The following GRIK2 variants were observed in gnomAD, a reference collection of about 807,000 sequenced individuals.
GRIK2 encodes the protein glutamate ionotropic receptor kainate type subunit 2.
A neutral mutation model predicts 100.3 loss-of-function variants in GRIK2; 32 were observed. The observed-to-expected ratio is 0.32, with a 90% CI of 0.24 to 0.43. The LOEUF (loss-of-function observed/expected upper bound fraction) is 0.43, where lower values mean the gene tolerates loss of function less well. GRIK2 is among the 20% of genes least tolerant of loss of function. The pLI is 1.00. For synonymous variants in GRIK2, 417 were observed against 389.4 expected (o/e 1.07, Z -0.83); for missense variants, 843 against 1,114.9 (o/e 0.76, Z 3.47).
intron 15 of GRIK2, among the ~76,000 whole-genome samples, chr6:102,042,046 G>A (rs1040509982): frequency 6.6e-6 from 1 of 151,500 alleles, no homozygotes; most frequent in Non-Finnish European, 1.5e-5. Context: ...TCATTTTGTG[G>A]GAAGAGAGTG....
intron 14 of GRIK2, among the ~76,000 whole-genome samples, chr6:101,932,304 A>C (rs142355242): frequency 6.6e-6 from 1 of 152,186 alleles, no homozygotes; most frequent in Non-Finnish European, 1.5e-5. Context: ...TATGGTCATT[A>C]AACAAAATGT....
intron 2 of GRIK2, among the ~76,000 whole-genome samples, chr6:101,440,623 A>G (rs777695617): frequency 6.6e-6 from 1 of 152,202 alleles, no homozygotes; most frequent in Non-Finnish European, 1.5e-5. Context: ...ACCTGCACCC[A>G]TGCAGTTGTC....
intron 14 of GRIK2, among the ~76,000 whole-genome samples, chr6:102,012,927 G>A (rs1022125474): frequency 6.6e-6 from 1 of 152,064 alleles, no homozygotes. Context: ...GCTCTTTTTG[G>A]TTCCATGTGA....
intron 7 of GRIK2, among the ~76,000 whole-genome samples, chr6:101,757,633 T>C (rs528357442): frequency 6.6e-6 from 1 of 152,270 alleles, no homozygotes; most frequent in Admixed American, 6.5e-5. Flanking sequence ...GAGTCCAGCT[T>C]CAAACAATAA....
intron 15 of GRIK2, among the ~76,000 whole-genome samples, chr6:102,053,390 G>T (rs1270616559): frequency 6.6e-6 from 1 of 152,110 alleles, no homozygotes; most frequent in Non-Finnish European, 1.5e-5. Context: ...CAAGCAAAAT[G>T]ACCTTAGTTT....
chr6:101,789,283 T>A (rs1250552120), intron 7 of GRIK2, among the ~76,000 whole-genome samples: 1 of 152,216 alleles, frequency 6.6e-6, no homozygotes, highest in East Asian at 1.9e-4. Context: ...TCCTTGCCCA[T>A]GCCTATGTCC....
chr6:101,395,826 G>A (rs189446994), intron 1 of GRIK2, among the ~76,000 whole-genome samples: 4 of 152,132 alleles, frequency 2.6e-5, no homozygotes, highest in East Asian at 3.9e-4. Flanking sequence ...CTGGGTGTGC[G>A]TGTATGTGTG....
chr6:101,972,654 G>C (rs1219351810), intron 14 of GRIK2, among the ~76,000 whole-genome samples: 1 of 151,754 alleles, frequency 6.6e-6, no homozygotes, highest in African/African-American at 2.4e-5. Context: ...GTCAAGAAGA[G>C]TATTTCCTAG....
At chr6:101,795,687 C>G (rs1192329233) in intron 7 of GRIK2, among the ~76,000 whole-genome samples, 3 of 152,188 alleles carry the variant, frequency 2.0e-5, no homozygotes, top group Non-Finnish European at 4.4e-5. Flanking sequence ...GCTGGATGGA[C>G]CAGCCCTCAG....
chr6:101,757,658 C>T (rs996183261), intron 7 of GRIK2, among the ~76,000 whole-genome samples: 1 of 152,192 alleles, frequency 6.6e-6, no homozygotes, highest in African/African-American at 2.4e-5. Context: ...TGGCTTCCTA[C>T]ATGAGTAATT....
chr6:101,457,817 C>A (rs1771090630), intron 2 of GRIK2, among the ~76,000 whole-genome samples: 1 of 152,052 alleles, frequency 6.6e-6, no homozygotes, highest in Non-Finnish European at 1.5e-5. Context: ...CAGTCACTCC[C>A]TAGATGCCAC....
chr6:101,757,688 G>A (rs1777223360), intron 7 of GRIK2, among the ~76,000 whole-genome samples: 1 of 152,090 alleles, frequency 6.6e-6, no homozygotes, highest in Non-Finnish European at 1.5e-5. Flanking sequence ...GAGTTACTAA[G>A]GCCTCTCTTT....
rs561031830 is a variant in GRIK2, at chr6:101,952,012, G to T, written c.2085+23380G>T. ...TAGAGAAAAGACAGGTAACATTTCC[G>T]TCATCACAAACACATCATGTTTTCC... On this transcript the variant is annotated intron_variant, in intron 14 of 16. Transcript: ENST00000369134. 2.6e-5 allele frequency among the ~76,000 whole-genome samples: 4 copies of T among 152,230 alleles called. No homozygotes were observed. In the South Asian group the frequency reaches 8.3e-4, roughly 32 times the overall value.
At chr6:102,000,958 CT>C (rs1194972888) in intron 14 of GRIK2, among the ~76,000 whole-genome samples, 4 of 151,438 alleles carry the variant, frequency 2.6e-5, no homozygotes, top group African/African-American at 9.7e-5. Flanking sequence ...TTTTCTAATT[CT>C]TTTTTTTCTG....
intron 14 of GRIK2, among the ~76,000 whole-genome samples, chr6:101,975,849 CTCCA>C (rs1344385835): frequency 2.0e-4 from 10 of 49,768 alleles, no homozygotes; most frequent in African/African-American, 8.1e-4. Context: ...CTATCTATCC[CTCCA>C]TCCATCCATC....
intron 7 of GRIK2, among the ~76,000 whole-genome samples, chr6:101,710,424 T>C (rs1291270420): frequency 6.6e-6 from 1 of 151,880 alleles, no homozygotes; most frequent in African/African-American, 2.4e-5. Context: ...TGTGACCATG[T>C]TTATGCAAGT....
intron 13 of GRIK2, chr6:101,927,355 C>T: frequency 1.5e-6 from 1 of 648,682 alleles, no homozygotes; most frequent in Non-Finnish European, 1.9e-6. Flanking sequence ...GTCTTTGCTT[C>T]ATTCCATTTT....
At chr6:101,588,694 G>GA (rs1778501053) in intron 2 of GRIK2, among the ~76,000 whole-genome samples, 1 of 144,998 alleles carries the variant, frequency 6.9e-6, no homozygotes, top group South Asian at 2.3e-4. Flanking sequence ...AGAAAAGAAA[G>GA]AAAGAAGAAA....
At chr6:101,636,761 C>T (rs1002996468) in intron 4 of GRIK2, among the ~76,000 whole-genome samples, 6 of 149,912 alleles carry the variant, frequency 4.0e-5, no homozygotes, top group South Asian at 4.2e-4. Context: ...TTTGGGGGGG[C>T]GGGGAAATGT....
Sources: allele counts gnomAD v4.1 joint callset (sites outside exome capture counted in the v4.1 genomes callset), GRCh38; gene constraint gnomAD v4.1.1; transcripts MANE v1.5; gene names NCBI Gene and HGNC (gene_info 2026-07-23, HGNC 2026-07-21).